Variants in MS4A2 observed in about 807,000 individuals in gnomAD.
MS4A2 encodes the protein membrane spanning 4-domains A2.
A neutral mutation model predicts 27.9 loss-of-function variants in MS4A2; 26 were observed. The observed-to-expected ratio is 0.93, with a 90% CI of 0.68 to 1.29. MS4A2 has a LOEUF of 1.29. MS4A2 is among the 50% of genes most tolerant of loss of function. The pLI is 0.00. For missense variants in MS4A2, 284 were observed against 284.6 expected (o/e 1.00, Z 0.01); for synonymous variants, 110 against 98.8 (o/e 1.11, Z -0.67).
At chr11:60,093,824 G>GTGTA in intron 5 of MS4A2, 140 bp from the exon 6 acceptor site, 1 of 731,170 alleles carries the variant, frequency 1.4e-6, no homozygotes, top group Non-Finnish European at 2.4e-6. Flanking sequence ...GTGTGTGTGT[G>GTGTA]TGTGTGTGTG....
intron 2 of MS4A2, 128 bp from the exon 3 acceptor site, chr11:60,090,208 G>C (rs1203166542): frequency 1.1e-5 from 11 of 968,898 alleles, no homozygotes; most frequent in Non-Finnish European, 1.6e-5. Flanking sequence ...AATCTTACGT[G>C]TGGATCATTT....
intron 2 of MS4A2, 140 bp downstream of exon 2, chr11:60,089,961 C>T: frequency 1.8e-6 from 2 of 1,098,348 alleles, no homozygotes; most frequent in Non-Finnish European, 2.6e-6. Context: ...AGAGTTGACA[C>T]TAACTGGGTC....
upstream of MS4A2, chr11:60,088,622 C>A: frequency 6.7e-7 from 1 of 1,499,870 alleles, no homozygotes; most frequent in Non-Finnish European, 8.9e-7. Context: ...ATCTGTCTGG[C>A]AAATGACTTA....
intron 6 of MS4A2, among the ~76,000 whole-genome samples, 168 bp from the exon 7 acceptor site, chr11:60,095,390 C>A (rs1283153998): frequency 6.6e-6 from 1 of 152,168 alleles, no homozygotes. Flanking sequence ...GCCCACTTGG[C>A]CAGCTAGTCT....
intron 6 of MS4A2, among the ~76,000 whole-genome samples, chr11:60,094,686 C>A (rs563077701): frequency 1.3e-5 from 2 of 152,190 alleles, no homozygotes; most frequent in Non-Finnish European, 1.5e-5. Context: ...CGGTGGCTCA[C>A]GCCTGTAATC....
intron 4 of MS4A2, 70 bp downstream of exon 4, chr11:60,092,918 G>A (rs1004603069): frequency 5.5e-5 from 78 of 1,421,698 alleles, no homozygotes; most frequent in Admixed American, 4.1e-4. Context: ...AGAGTCTTAA[G>A]GGAAACACAT....
chr11:60,093,907 C>G, intron 5 of MS4A2, 57 bp from the exon 6 acceptor site: 1 of 1,391,182 alleles, frequency 7.2e-7, no homozygotes, highest in Non-Finnish European at 1.0e-6. Flanking sequence ...AGAAAATAAA[C>G]TTTTGGGGCG....
intron 3 of MS4A2, among the ~76,000 whole-genome samples, chr11:60,091,865 G>A (rs887913697): frequency 1.3e-5 from 2 of 152,106 alleles, no homozygotes; most frequent in Non-Finnish European, 2.9e-5. Flanking sequence ...CTTATGAGGT[G>A]TCTCTCAACC....
At position 60,092,842 on chromosome 11, in the gene MS4A2, A is replaced by G. The variant is rs1855791059; in HGVS notation, c.372A>G (p.Thr124=). The G allele has an allele frequency of 1.2e-6, 2 of 1,613,466 alleles. No homozygotes were observed. Among genetic ancestry groups the G allele is most frequent in the Non-Finnish European group, 1.7e-6 (2 of 1,179,570 alleles). ...TTATATCTGAAAGGAGAAATGCAAC[A>G]TATCTGGTGAGTTGCCCGTTTCTGT... ...LSIISERRNA[T]YLVRGSLGAN... is the part of the protein sequence containing the mutation. Residue 124 remains threonine, a synonymous_variant, in exon 4 of 7, where the codon ACA becomes ACG. Coordinates refer to ENST00000278888, the MANE Select transcript of MS4A2 (RefSeq NM_000139.5).
Position 60,090,384 on chromosome 11 carries a change from G to A in MS4A2, c.235G>A (p.Val79Ile). Residue 79 changes from valine (V) to isoleucine (I), a missense_variant, in exon 3 of 7, where the codon GTC (valine) becomes ATC (isoleucine). Physicochemically the swap from Val to Ile is conservative, Grantham distance 29. Transcript: ENST00000278888. ...GATATGCCTTTGTTTTGGAACAGTT[G>A]TCTGCTCTGTACTTGATATTTCACA... The part of the protein sequence containing the change: ...AMICLCFGTV[V>I]CSVLDISHIE... 1 of 1,613,322 alleles carries A rather than the reference G, an allele frequency of 6.2e-7. No homozygotes were observed. The highest frequency in any genetic ancestry group is 8.5e-7 in the Non-Finnish European group (1 of 1,179,832).
chr11:60,089,365 A>G (rs1744492578), intron 1 of MS4A2, among the ~76,000 whole-genome samples: 1 of 152,230 alleles, frequency 6.6e-6, no homozygotes, highest in Non-Finnish European at 1.5e-5. Flanking sequence ...GGATTGTGAG[A>G]TGCATAGGTA....
Position 60,097,169 on chromosome 11 carries a change from A to G in MS4A2, c.*1513A>G, listed in dbSNP as rs555910735. ...GAAGTGAAGCTAAGCTAAACTTCAC[A>G]TGCCTATAATTGGAGGGAAAAACTA... On this transcript the variant is annotated 3_prime_UTR_variant, in exon 7 of 7. Coordinates refer to ENST00000278888, the MANE Select transcript of MS4A2 (RefSeq NM_000139.5). 2.0e-5 allele frequency: 3 copies of G among 152,366 alleles called. No individual in the cohort carries two copies. The highest frequency in any genetic ancestry group is 1.9e-4 in the East Asian group (1 of 5,192). The allele number at this position is 152,366 out of a possible 1,614,324, so 9.4% of individuals were successfully genotyped here.
intron 6 of MS4A2, 28 bp from the exon 7 acceptor site, chr11:60,095,530 T>G (rs1331465535): frequency 7.1e-7 from 1 of 1,407,874 alleles, no homozygotes; most frequent in Admixed American, 1.7e-5. Context: ...TTGTGGTGAT[T>G]GATATGAAAT....
chr11:60,092,571 C>G (rs1855784413), intron 3 of MS4A2, among the ~76,000 whole-genome samples: 1 of 152,124 alleles, frequency 6.6e-6, no homozygotes. Context: ...GCTGGGATTA[C>G]AGACATGAGC....
chr11:60,094,766 G>A (rs1855836746), intron 6 of MS4A2, among the ~76,000 whole-genome samples: 1 of 151,828 alleles, frequency 6.6e-6, no homozygotes, highest in African/African-American at 2.4e-5. Context: ...CTGGCCAAAT[G>A]GCAAAACCAA....
rs1047673880 is a variant in MS4A2, at chr11:60,097,643, C to T, written c.*1987C>T. 2 of 151,970 alleles carry T rather than the reference C, an allele frequency of 1.3e-5. No homozygotes were observed. The highest frequency in any genetic ancestry group is 4.8e-5 in the African/African-American group (2 of 41,378). The allele number at this position is 151,970 out of a possible 1,614,324, so 9.4% of individuals were successfully genotyped here. On this transcript the variant is annotated 3_prime_UTR_variant, in exon 7 of 7. Transcript: ENST00000278888. Reference sequence around the variant, plus strand: ...TAAGTATAAGAGTCCTACAGATGGACTGAAAAAAATCAGTCTGAGAGTATT... The same window carrying T: ...TAAGTATAAGAGTCCTACAGATGGATTGAAAAAAATCAGTCTGAGAGTATT...
chr11:60,096,203 A>T lies in MS4A2; in HGVS notation c.*547A>T, dbSNP rs535412563. 1 of 155,466 alleles carries T rather than the reference A, an allele frequency of 6.4e-6. No individual in the cohort carries two copies. The highest frequency in any genetic ancestry group is 1.9e-4 in the South Asian group (1 of 5,154). 9.6% of individuals were successfully genotyped at this position (155,466 alleles called of 1,614,324 possible). ...TTTTTGCCAAGACATGAAGTTTTATAAAGATCTGTATAATTGCCTGAATCA... is the reference window on the plus strand; with the variant it reads ...TTTTTGCCAAGACATGAAGTTTTATTAAGATCTGTATAATTGCCTGAATCA... On this transcript the variant is annotated 3_prime_UTR_variant, in exon 7 of 7. Coordinates refer to ENST00000278888, the MANE Select transcript of MS4A2 (RefSeq NM_000139.5).
rs760245224 is a variant in MS4A2, at chr11:60,089,806, G to A, written c.171G>A (p.Glu57=). The stretch of plus-strand genomic sequence containing the variant: ...CATGGCTGACAGTTTTGAAAAAAGA[G>A]CAGGAGTTCCTGGGGGTGAGTGAGC... ...LHTWLTVLKK[E]QEFLGVTQIL... Residue 57 remains glutamate (E), a synonymous_variant, in exon 2 of 7, where the codon GAG becomes GAA. Coordinates refer to ENST00000278888, the MANE Select transcript of MS4A2 (RefSeq NM_000139.5). 1.1e-5 allele frequency: 18 copies of A among 1,614,000 alleles called. No individual in the cohort carries two copies. Among genetic ancestry groups the A allele is most frequent in the Non-Finnish European group, 1.3e-5 (15 of 1,180,018 alleles).
At chr11:60,092,296 CTTT>C (rs3038646) in intron 3 of MS4A2, among the ~76,000 whole-genome samples, 9 of 139,898 alleles carry the variant, frequency 6.4e-5, no homozygotes, top group Admixed American at 1.4e-4. Context: ...TTCATATACA[CTTT>C]TTTTTTTTTT....
Sources: gnomAD v4.1 joint callset for allele counts (sites outside exome capture counted in the v4.1 genomes callset) on GRCh38, gnomAD v4.1.1 for gene constraint, MANE v1.5 for transcripts, NCBI Gene and HGNC (gene_info 2026-07-23, HGNC 2026-07-21) for gene names.